NTNG1: variants seen among roughly 807,000 people sequenced by gnomAD.
The protein encoded by NTNG1 is netrin-G1.
In NTNG1, 16 loss-of-function variants were observed where a neutral mutation model predicts 54.0. That is an observed-to-expected ratio of 0.30 (90% CI 0.20 to 0.45). NTNG1 has a LOEUF of 0.45. NTNG1 is among the 20% of genes least tolerant of loss of function. NTNG1 has a pLI of 1.00. For synonymous variants in NTNG1, 255 were observed against 263.1 expected (o/e 0.97, Z 0.30); for missense variants, 530 against 678.7 (o/e 0.78, Z 2.43).
intron 2 of NTNG1, among the ~76,000 whole-genome samples, chr1:107,264,238 A>C (rs1398185405): frequency 6.6e-6 from 1 of 152,030 alleles, no homozygotes; most frequent in East Asian, 1.9e-4. Flanking sequence ...ACCCTGGTGC[A>C]CATTTTTGTA....
At position 107,481,099 on chromosome 1, in the gene NTNG1, A is replaced by C. The variant is rs1330070717; in HGVS notation, c.*259A>C. 1.7e-5 allele frequency: 8 copies of C among 476,962 alleles called. No individual in the cohort carries two copies. The highest frequency in any genetic ancestry group is 1.5e-4 in the African/African-American group (8 of 51,996). 29.5% of individuals were successfully genotyped at this position (476,962 alleles called of 1,614,324 possible). A position where few individuals can be genotyped will look rare whatever the true frequency, so the allele number is the denominator to read the frequency against. On this transcript the variant is annotated 3_prime_UTR_variant, in exon 8 of 8. Transcript: ENST00000370068. ...CAAATCACATTGCCAGCTGCAGAGC[A>C]TATTGTGGATTGGAAAGGCTGCGAC...
intron 2 of NTNG1, among the ~76,000 whole-genome samples, chr1:107,176,465 C>T (rs886465468): frequency 6.6e-6 from 1 of 152,078 alleles, no homozygotes; most frequent in African/African-American, 2.4e-5. Flanking sequence ...GTAAGGAATT[C>T]AAGGGTTGCC....
chr1:107,145,100 AATTGGT>A (rs1311078075), intron 1 of NTNG1, among the ~76,000 whole-genome samples: 1 of 152,116 alleles, frequency 6.6e-6, no homozygotes, highest in Non-Finnish European at 1.5e-5. Context: ...TCCTTCTCAT[AATTGGT>A]TTCCCTAGCT....
intron 3 of NTNG1, among the ~76,000 whole-genome samples, chr1:107,392,245 G>T (rs1040299628): frequency 6.6e-6 from 1 of 152,052 alleles, no homozygotes; most frequent in East Asian, 1.9e-4. Flanking sequence ...ACCCCAGTGG[G>T]TAACAGAGAA....
intron 3 of NTNG1, among the ~76,000 whole-genome samples, chr1:107,381,813 C>G (rs1671663926): frequency 6.6e-6 from 1 of 152,176 alleles, no homozygotes; most frequent in East Asian, 1.9e-4. Flanking sequence ...GGACATTGAC[C>G]CTGGCTCTTG....
At chr1:107,257,927 G>A (rs999905099) in intron 2 of NTNG1, among the ~76,000 whole-genome samples, 4 of 152,164 alleles carry the variant, frequency 2.6e-5, no homozygotes, top group African/African-American at 9.7e-5. Context: ...TGTTTCAGGA[G>A]CCTCAGGCCT....
chr1:107,361,374 C>T (rs12727367), intron 3 of NTNG1, among the ~76,000 whole-genome samples: 84 of 87,958 alleles, frequency 9.6e-4, no homozygotes, highest in African/African-American at 1.6e-3. Context: ...TATATATATA[C>T]ATATATATAT....
intron 3 of NTNG1, among the ~76,000 whole-genome samples, chr1:107,330,250 C>T (rs1269255644): frequency 6.6e-6 from 1 of 152,152 alleles, no homozygotes; most frequent in Non-Finnish European, 1.5e-5. Context: ...ACCTCTTTCT[C>T]TCTGATTCTC....
chr1:107,464,222 G>T (rs1677457514), intron 7 of NTNG1, among the ~76,000 whole-genome samples: 1 of 152,156 alleles, frequency 6.6e-6, no homozygotes, highest in South Asian at 2.1e-4. Context: ...TCTTGTTAAA[G>T]CCAGGCCAGC....
At chr1:107,246,195 G>A (rs999605944) in intron 2 of NTNG1, among the ~76,000 whole-genome samples, 9 of 152,036 alleles carry the variant, frequency 5.9e-5, no homozygotes, top group Non-Finnish European at 1.0e-4. Flanking sequence ...GGGACTACAG[G>A]CACCTGCCAC....
intron 3 of NTNG1, among the ~76,000 whole-genome samples, chr1:107,370,501 C>T (rs1379620513): frequency 6.6e-6 from 1 of 151,786 alleles, no homozygotes; most frequent in Non-Finnish European, 1.5e-5. Flanking sequence ...TCTTTTATCC[C>T]TCACCCCCCT....
chr1:107,322,062 T>A (rs1169339149), intron 2 of NTNG1, among the ~76,000 whole-genome samples: 1 of 152,198 alleles, frequency 6.6e-6, no homozygotes, highest in Non-Finnish European at 1.5e-5. Flanking sequence ...GACTTTATAT[T>A]AAGTATAGGC....
At chr1:107,436,397 A>C (rs940131052) in intron 6 of NTNG1, among the ~76,000 whole-genome samples, 1 of 152,210 alleles carries the variant, frequency 6.6e-6, no homozygotes, top group Non-Finnish European at 1.5e-5. Flanking sequence ...AACAAATGGA[A>C]TCTCCATTAC....
At chr1:107,288,166 C>T (rs1406138078) in intron 2 of NTNG1, among the ~76,000 whole-genome samples, 1 of 152,022 alleles carries the variant, frequency 6.6e-6, no homozygotes, top group Admixed American at 6.6e-5. Context: ...AGAATAGCAT[C>T]AACAGGGTGG....
chr1:107,376,402 C>T (rs1336454434), intron 3 of NTNG1, among the ~76,000 whole-genome samples: 7 of 132,588 alleles, frequency 5.3e-5, no homozygotes, highest in Admixed American at 4.0e-4. Flanking sequence ...AGTGAGACTC[C>T]GTCTCAAAAC....
chr1:107,182,418 C>T (rs527303576), intron 2 of NTNG1, among the ~76,000 whole-genome samples: 1 of 151,990 alleles, frequency 6.6e-6, no homozygotes, highest in African/African-American at 2.4e-5. Flanking sequence ...ATTGCTTTGT[C>T]AATTAAGATT....
At chr1:107,188,129 A>G (rs947899755) in intron 2 of NTNG1, among the ~76,000 whole-genome samples, 2 of 151,948 alleles carry the variant, frequency 1.3e-5, no homozygotes, top group Non-Finnish European at 2.9e-5. Flanking sequence ...TTTTAATTAC[A>G]AAAGTATCAA....
At chr1:107,317,116 T>C (rs911941482) in intron 2 of NTNG1, among the ~76,000 whole-genome samples, 1 of 152,182 alleles carries the variant, frequency 6.6e-6, no homozygotes, top group Non-Finnish European at 1.5e-5. Flanking sequence ...AAAAAACTTT[T>C]CGAACATCAA....
At chr1:107,265,097 G>T (rs1185495171) in intron 2 of NTNG1, among the ~76,000 whole-genome samples, 2 of 152,154 alleles carry the variant, frequency 1.3e-5, no homozygotes, top group African/African-American at 4.8e-5. Flanking sequence ...ACTAATGCTG[G>T]TGTGGTGATT....
Sources: gnomAD v4.1 joint callset for allele counts (sites outside exome capture counted in the v4.1 genomes callset) on GRCh38, gnomAD v4.1.1 for gene constraint, MANE v1.5 for transcripts, NCBI Gene and HGNC (gene_info 2026-07-23, HGNC 2026-07-21) for gene names.